The following ZNF107 variants were observed in gnomAD, a reference collection of about 807,000 sequenced individuals.
The protein encoded by ZNF107 is zinc finger protein 107.
In ZNF107, 19 loss-of-function variants were observed where a neutral mutation model predicts 12.3. That is an observed-to-expected ratio of 1.55 (90% CI 1.08 to 2.27). The LOEUF is 2.27. Among genes scored for constraint, ZNF107 ranks in the 30% most tolerant of loss-of-function variants. ZNF107 has a pLI of 0.00. For synonymous variants in ZNF107, 317 were observed against 330.5 expected, an observed-to-expected ratio of 0.96 and a Z score of 0.44; for missense variants, 958 against 979.9, an observed-to-expected ratio of 0.98 and a Z score of 0.30.
At chr7:64,680,821 A>G (rs1338134794) in intron 1 of ZNF107, among the ~76,000 whole-genome samples, 1 of 152,212 alleles carries the variant, frequency 6.6e-6, no homozygotes, top group African/African-American at 2.4e-5. Context: ...GGAAGAGGCT[A>G]CCTGGTGGCA....
chr7:64,667,639 C>T (rs1386032155), intron 1 of ZNF107, among the ~76,000 whole-genome samples: 2 of 152,154 alleles, frequency 1.3e-5, no homozygotes, highest in East Asian at 3.9e-4. Context: ...TAGTAAATTT[C>T]AGCTCCTGGC....
At chr7:64,671,596 A>G (rs1200823177) in intron 1 of ZNF107, among the ~76,000 whole-genome samples, 1 of 151,988 alleles carries the variant, frequency 6.6e-6, no homozygotes, top group African/African-American at 2.4e-5. Flanking sequence ...CATTCCTCCC[A>G]CCTACATGGC....
At chr7:64,684,690 A>G (rs750255560) in intron 1 of ZNF107, 3 of 985,210 alleles carry the variant, frequency 3.0e-6, no homozygotes, top group Non-Finnish European at 3.6e-6. Flanking sequence ...TTCATCCCCA[A>G]ACTCCCACCT....
rs554276967 is a variant in ZNF107, at chr7:64,684,450, A to C, written c.4-6798A>C. ...CCTTCCTGGTCGTTTATGGTACCCC[A>C]ATGGCTGTCTGCTTACAAGATCCTC... On this transcript the variant is annotated intron_variant, in intron 1 of 3. Transcript: ENST00000620827. The C allele has an allele frequency of 9.8e-6, 4 of 410,036 alleles. No homozygotes were observed. The East Asian group carries it at 4.8e-4, about 50-fold the overall frequency. The allele number at this position is 410,036 out of a possible 1,614,324, so 25.4% of individuals were successfully genotyped here.
At position 64,709,651 on chromosome 7, in the gene ZNF107, T is replaced by C; in HGVS notation, c.*995T>C. ...ATGTGGCAACACTTTTAATAAATGCTCACCCCTTATTGCACAGGAAAGCAT... is the reference window on the plus strand; with the variant it reads ...ATGTGGCAACACTTTTAATAAATGCCCACCCCTTATTGCACAGGAAAGCAT... On this transcript the variant is annotated 3_prime_UTR_variant, in exon 4 of 4. Transcript: ENST00000620827. The C allele has an allele frequency of 2.2e-6, 1 of 449,296 alleles. No homozygotes were observed. The highest frequency in any genetic ancestry group is 1.6e-5 in the South Asian group (1 of 62,620). 27.8% of individuals were successfully genotyped at this position (449,296 alleles called of 1,614,324 possible). A position where few individuals can be genotyped will look rare whatever the true frequency, so the allele number is the denominator to read the frequency against.
intron 1 of ZNF107, among the ~76,000 whole-genome samples, chr7:64,668,174 A>ATT (rs1482657782): frequency 2.0e-5 from 3 of 151,586 alleles, no homozygotes; most frequent in African/African-American, 7.3e-5. Flanking sequence ...TTATTATTAT[A>ATT]CTTTAAGTTT....
At chr7:64,691,580 A>G (rs1355644119) in intron 2 of ZNF107, among the ~76,000 whole-genome samples, 1 of 152,162 alleles carries the variant, frequency 6.6e-6, no homozygotes, top group Non-Finnish European at 1.5e-5. Flanking sequence ...TAGTGAGCTA[A>G]TCTGTATTTT....
chr7:64,708,062 A>G lies in ZNF107; in HGVS notation c.1965A>G (p.Gly655=). Residue 655 remains glycine (G), a synonymous_variant, in exon 4 of 4, where the codon GGA becomes GGG. Transcript: ENST00000620827. The part of the protein sequence containing the change: ...GENLYKFEEH[G]KAFNLFSNIT... ...ACCTCTACAAATTTGAAGAACATGG[A>G]AAAGCTTTTAACCTATTCTCAAACA... is the stretch of plus-strand genomic sequence containing the variant. 1 of 1,613,388 alleles carries G rather than the reference A, an allele frequency of 6.2e-7. No homozygotes were observed. Among genetic ancestry groups the G allele is most frequent in the Non-Finnish European group, 8.5e-7 (1 of 1,179,666 alleles).
At chr7:64,692,934 G>A (rs1279322914) in intron 3 of ZNF107, among the ~76,000 whole-genome samples, 1 of 151,978 alleles carries the variant, frequency 6.6e-6, no homozygotes, top group African/African-American at 2.4e-5. Flanking sequence ...AAGAGTATAT[G>A]ATCTGCAACC....
At chr7:64,682,598 C>T (rs1395067768) in intron 1 of ZNF107, among the ~76,000 whole-genome samples, 1 of 152,140 alleles carries the variant, frequency 6.6e-6, no homozygotes, top group Admixed American at 6.6e-5. Context: ...AAGGGCCAGG[C>T]CCACGACCAG....
intron 1 of ZNF107, among the ~76,000 whole-genome samples, chr7:64,676,935 A>G (rs1333453824): frequency 1.3e-5 from 2 of 152,166 alleles, no homozygotes; most frequent in African/African-American, 4.8e-5. Flanking sequence ...GTTAAAAAAA[A>G]TGCAGATTCA....
intron 1 of ZNF107, chr7:64,690,311 C>T: frequency 8.4e-6 from 8 of 955,978 alleles, no homozygotes; most frequent in Non-Finnish European, 1.0e-5. Context: ...TATATTTACA[C>T]AGTTGATGGG....
At chr7:64,691,108 G>A (rs1012061669) in intron 1 of ZNF107, 140 bp from the exon 2 acceptor site, 28 of 805,468 alleles carry the variant, frequency 3.5e-5, no homozygotes, top group Non-Finnish European at 4.1e-5. Flanking sequence ...TCTTGACCTC[G>A]TGATTTGCCT....
At chr7:64,691,547 A>T (rs1790118674) in intron 2 of ZNF107, among the ~76,000 whole-genome samples, 173 bp downstream of exon 2, 1 of 152,178 alleles carries the variant, frequency 6.6e-6, no homozygotes, top group South Asian at 2.1e-4. Context: ...AAGATACTTC[A>T]TCTTGACCTG....
chr7:64,706,736 C>G lies in ZNF107; in HGVS notation c.639C>G (p.Phe213Leu). The change falls in exon 4 of 4, where the codon TTC becomes TTG. Residue 213 changes from phenylalanine (F) to leucine (L), a missense_variant. Transcript: ENST00000620827. ...CEECGKAFNWFSTLTKHKRIH... is the reference protein window; with the variant it reads ...CEECGKAFNWLSTLTKHKRIH... ...AATGTGGAAAAGCCTTTAACTGGTT[C>G]TCAACTCTTACTAAACATAAGAGAA... 6.2e-7 allele frequency: 1 copy of G among 1,612,672 alleles called. No individual in the cohort carries two copies. The highest frequency in any genetic ancestry group is 2.2e-5 in the East Asian group (1 of 44,854).
At chr7:64,685,757 G>A (rs551810728) in intron 1 of ZNF107, among the ~76,000 whole-genome samples, 7 of 152,268 alleles carry the variant, frequency 4.6e-5, no homozygotes, top group South Asian at 2.1e-4. Context: ...TTCTTCTTGT[G>A]TGGAACTTCA....
In ZNF107 at chr7:64,691,350, A is replaced by G; in HGVS notation, c.106A>G (p.Asn36Asp). The change falls in exon 2 of 4, where the codon AAC (asparagine) becomes GAC (aspartate). Residue 36 changes from asparagine (N) to aspartate (D), a missense_variant. Physicochemically the swap from Asn to Asp is conservative, Grantham distance 23. Transcript: ENST00000620827. The part of the protein sequence containing the change: ...RDLYRNVLLE[N>D]YRNLVFLGIA... ...TTTATATAGGAATGTGTTGTTAGAG[A>G]ACTACAGAAACCTGGTCTTTTTGGG... The G allele has an allele frequency of 6.6e-7, 1 of 1,511,886 alleles. No homozygotes were observed. The highest frequency in any genetic ancestry group is 8.8e-7 in the Non-Finnish European group (1 of 1,132,250). 93.7% of individuals were successfully genotyped at this position (1,511,886 alleles called of 1,614,324 possible).
intron 1 of ZNF107, chr7:64,686,490 C>G: frequency 1.0e-6 from 1 of 985,146 alleles, no homozygotes; most frequent in Middle Eastern, 5.2e-4. Flanking sequence ...CGCCCCAAGT[C>G]CCGCTCGAAG....
At chr7:64,679,023 G>C (rs895327959) in intron 1 of ZNF107, 4 of 152,844 alleles carry the variant, frequency 2.6e-5, no homozygotes, top group Admixed American at 2.0e-4. Flanking sequence ...GAAGATAAGA[G>C]AGCAGCAGAG....
Sources: allele counts gnomAD v4.1 joint callset (sites outside exome capture counted in the v4.1 genomes callset), GRCh38; gene constraint gnomAD v4.1.1; transcripts MANE v1.5; gene names NCBI Gene and HGNC (gene_info 2026-07-23, HGNC 2026-07-21).